NAV2: variants seen among roughly 807,000 people sequenced by gnomAD.
The protein encoded by NAV2 is neuron navigator 2.
NAV2 carries 54 observed loss-of-function variants against 223.2 expected under a neutral mutation model. The ratio of observed to expected loss-of-function variants is 0.24; its 90% CI spans 0.19 to 0.30. The LOEUF is 0.30. Among genes scored for constraint, NAV2 ranks in the 10% least tolerant of loss-of-function variants. The pLI, the probability that NAV2 is intolerant of heterozygous loss-of-function variation, is 1.00. For missense variants in NAV2, 2,806 were observed against 3,147.5 expected (o/e 0.89, Z 2.60); for synonymous variants, 1,279 against 1,239.3 (o/e 1.03, Z -0.67).
chr11:20,084,548 G>A (rs2060296175), intron 26 of NAV2, among the ~76,000 whole-genome samples: 1 of 152,186 alleles, frequency 6.6e-6, no homozygotes. Context: ...TACTGCTATG[G>A]GTGAGGGTAA....
intron 22 of NAV2, among the ~76,000 whole-genome samples, chr11:20,075,813 CTG>C (rs2059708391): frequency 6.7e-6 from 1 of 150,142 alleles, no homozygotes; most frequent in Non-Finnish European, 1.5e-5. Context: ...TGATTCCTCA[CTG>C]TGTGTGTCAG....
intron 23 of NAV2, 89 bp from the exon 24 acceptor site, chr11:20,077,904 G>C (rs113300719): frequency 6.8e-6 from 7 of 1,022,546 alleles, no homozygotes; most frequent in Non-Finnish European, 9.0e-6. Context: ...CTTCATTCCC[G>C]CTCCTCCTGT....
intron 16 of NAV2, among the ~76,000 whole-genome samples, chr11:20,051,026 G>A (rs1184266142): frequency 3.3e-5 from 5 of 152,186 alleles, no homozygotes; most frequent in Admixed American, 2.0e-4. Flanking sequence ...TGTGGAAAAC[G>A]AGGAACAATT....
At chr11:19,421,480 A>G (rs1266935992) in intron 1 of NAV2, among the ~76,000 whole-genome samples, 1 of 152,192 alleles carries the variant, frequency 6.6e-6, no homozygotes, top group South Asian at 2.1e-4. Context: ...ATTGTTATCA[A>G]TTTATTTTGT....
intron 6 of NAV2, among the ~76,000 whole-genome samples, chr11:19,904,525 GTC>G (rs2042707958): frequency 6.6e-6 from 1 of 152,116 alleles, no homozygotes; most frequent in Non-Finnish European, 1.5e-5. Flanking sequence ...AGTTTGCAGG[GTC>G]CATTGTGCCC....
At chr11:19,940,299 G>T (rs1008883097) in intron 8 of NAV2, among the ~76,000 whole-genome samples, 17 of 152,224 alleles carry the variant, frequency 1.1e-4, no homozygotes, top group Admixed American at 5.9e-4. Flanking sequence ...AGACAATGAT[G>T]ATTACAGGTA....
chr11:20,039,370 T>TGGTTCCTCAGA (rs2056697797), intron 12 of NAV2, among the ~76,000 whole-genome samples: 1 of 152,178 alleles, frequency 6.6e-6, no homozygotes, highest in African/African-American at 2.4e-5. Context: ...TGAGACTGGA[T>TGGTTCCTCAGA]GGTTCCTCAG....
intron 1 of NAV2, among the ~76,000 whole-genome samples, chr11:19,706,238 C>G (rs1469005583): frequency 6.6e-6 from 1 of 152,178 alleles, no homozygotes; most frequent in East Asian, 1.9e-4. Flanking sequence ...TTATTGAATA[C>G]AGGCTTTCCT....
upstream of NAV2, among the ~76,000 whole-genome samples, chr11:19,350,035 T>C (rs1024082): frequency 0.95 from 145,084 of 152,124 alleles, 69,548 homozygotes; most frequent in East Asian, 1. Context: ...TGCTTTGTGC[T>C]TCACAGACCA....
intron 2 of NAV2, among the ~76,000 whole-genome samples, chr11:19,841,435 G>A (rs1382702736): frequency 6.6e-6 from 1 of 152,160 alleles, no homozygotes; most frequent in African/African-American, 2.4e-5. Context: ...CTTTTTGGAA[G>A]TTTTAGGTAT....
intron 1 of NAV2, among the ~76,000 whole-genome samples, chr11:19,730,384 G>A (rs1320959873): frequency 6.6e-6 from 1 of 152,206 alleles, no homozygotes; most frequent in Non-Finnish European, 1.5e-5. Flanking sequence ...CCCTGGAGGG[G>A]GAGGAAAAAG....
At chr11:19,358,992 G>T (rs1211696286) in intron 1 of NAV2, among the ~76,000 whole-genome samples, 3 of 152,140 alleles carry the variant, frequency 2.0e-5, no homozygotes, top group Non-Finnish European at 4.4e-5. Context: ...TTTCATGTTT[G>T]TTTCTGTATT....
chr11:19,758,144 C>A (rs573008870), intron 1 of NAV2, among the ~76,000 whole-genome samples: 2 of 152,288 alleles, frequency 1.3e-5, no homozygotes, highest in Admixed American at 6.5e-5. Flanking sequence ...TTTGTTCACT[C>A]CGTTTATTGA....
At chr11:20,013,659 G>A (rs929030618) in intron 11 of NAV2, among the ~76,000 whole-genome samples, 7 of 152,088 alleles carry the variant, frequency 4.6e-5, no homozygotes, top group Non-Finnish European at 1.0e-4. Flanking sequence ...AGGGTTCTGC[G>A]GGAAAAGGTA....
intron 11 of NAV2, among the ~76,000 whole-genome samples, chr11:19,986,520 G>A (rs1024595273): frequency 2.0e-5 from 3 of 151,954 alleles, no homozygotes; most frequent in African/African-American, 7.3e-5. Context: ...CTCGGGAGAG[G>A]GAGGCATGAG....
intron 1 of NAV2, among the ~76,000 whole-genome samples, chr11:19,406,617 G>C (rs1269149448): frequency 6.6e-6 from 1 of 152,014 alleles, no homozygotes; most frequent in Non-Finnish European, 1.5e-5. Flanking sequence ...TCCCCGGGAG[G>C]CTCTTCCTCT....
intron 1 of NAV2, among the ~76,000 whole-genome samples, chr11:19,635,680 G>A (rs1229996199): frequency 1.3e-5 from 2 of 152,164 alleles, no homozygotes; most frequent in Non-Finnish European, 2.9e-5. Flanking sequence ...CCTGCCCTCT[G>A]GTAACTAACC....
chr11:19,916,006 C>G (rs1043519498), intron 6 of NAV2, among the ~76,000 whole-genome samples: 1 of 152,136 alleles, frequency 6.6e-6, no homozygotes, highest in Admixed American at 6.5e-5. Flanking sequence ...CCTCAGTTTC[C>G]TCATCTGTAA....
chr11:20,025,914 CT>C (rs1415502596), intron 11 of NAV2, among the ~76,000 whole-genome samples: 1 of 152,208 alleles, frequency 6.6e-6, no homozygotes, highest in Admixed American at 6.5e-5. Flanking sequence ...TGTACTGCAA[CT>C]GACATGCATG....
Sources: allele counts gnomAD v4.1 joint callset (sites outside exome capture counted in the v4.1 genomes callset), GRCh38; gene constraint gnomAD v4.1.1; transcripts MANE v1.5; gene names NCBI Gene and HGNC (gene_info 2026-07-23, HGNC 2026-07-21).